Variants in SLC14A2 observed in about 807,000 individuals in gnomAD.
The protein encoded by SLC14A2 is solute carrier family 14 member 2.
SLC14A2 carries 91 observed loss-of-function variants against 104.6 expected under a neutral mutation model. That is an observed-to-expected ratio of 0.87 (90% CI 0.73 to 1.04). SLC14A2 has a LOEUF of 1.04. Ranked by LOEUF, SLC14A2 falls within the 50% of genes least tolerant of loss-of-function variation. The pLI is 0.00. For missense variants in SLC14A2, 1,189 were observed against 1,156.0 expected (o/e 1.03, Z -0.41); for synonymous variants, 476 against 466.4 (o/e 1.02, Z -0.27).
In SLC14A2 at chr18:45,424,473, G is replaced by A. The variant is rs142223121; in HGVS notation, c.-124-58760G>A. Among the ~76,000 whole-genome samples, 1,344 of 152,354 alleles carry A rather than the reference G, an allele frequency of 8.8e-3. 13 individuals carry two copies. The highest frequency in any genetic ancestry group is 0.012 in the Non-Finnish European group (846 of 68,030). ...ACATGGTGTGGATGCCTGAAGGCAG[G>A]AAGAAAGGGGGTAGGGTCAGCAGGC... On this transcript the variant is annotated intron_variant, in intron 1 of 20. Transcript: ENST00000586448.
intron 11 of SLC14A2, 34 bp downstream of exon 11, chr18:45,663,941 T>C (rs756508414): frequency 1.3e-6 from 2 of 1,581,100 alleles, no homozygotes; most frequent in Admixed American, 1.8e-5. Flanking sequence ...CTTGGATCCC[T>C]GCCTTCCTAG....
intron 10 of SLC14A2, among the ~76,000 whole-genome samples, chr18:45,654,467 G>C (rs1199629347): frequency 6.6e-6 from 1 of 152,154 alleles, no homozygotes; most frequent in Admixed American, 6.5e-5. Flanking sequence ...TCCTGGGGGA[G>C]AGAGCTGAAC....
rs1342632959 is a variant in SLC14A2, at chr18:45,639,800, T to TG, written c.900dup (p.Thr301AspfsTer144). 4 of 1,613,942 alleles carry TG rather than the reference T, an allele frequency of 2.5e-6. No individual in the cohort carries two copies. The East Asian group carries it at 8.9e-5, about 36-fold the overall frequency. ...CCAGGTGTATGGCTGTGACAATCCC[T>TG]GGACAGGCGGCGTGTTCCTGGTGGC... On this transcript the variant is annotated frameshift_variant, in exon 7 of 20. Transcript: ENST00000255226. LOFTEE classifies it high-confidence loss of function.
intron 1 of SLC14A2, among the ~76,000 whole-genome samples, chr18:45,277,519 C>A (rs1428922353): frequency 6.6e-6 from 1 of 152,128 alleles, no homozygotes; most frequent in African/African-American, 2.4e-5. Flanking sequence ...AGCGATCCTC[C>A]TACCTCAGCC....
chr18:45,472,574 G>C (rs1048747454), intron 1 of SLC14A2, among the ~76,000 whole-genome samples: 1 of 152,104 alleles, frequency 6.6e-6, no homozygotes, highest in African/African-American at 2.4e-5. Context: ...CATTCTAACT[G>C]GTGTGAGATG....
intron 2 of SLC14A2, among the ~76,000 whole-genome samples, chr18:45,513,997 C>T (rs1321479121): frequency 6.6e-6 from 1 of 152,180 alleles, no homozygotes; most frequent in African/African-American, 2.4e-5. Flanking sequence ...CCCTTTCTAA[C>T]TTACAGTTGC....
At chr18:45,338,359 C>T (rs2085357238) in intron 1 of SLC14A2, among the ~76,000 whole-genome samples, 1 of 152,044 alleles carries the variant, frequency 6.6e-6, no homozygotes, top group Admixed American at 6.5e-5. Context: ...TGCCACCACA[C>T]CTGGCTAATT....
chr18:45,429,974 T>C (rs763055983), intron 1 of SLC14A2, among the ~76,000 whole-genome samples: 2 of 152,200 alleles, frequency 1.3e-5, no homozygotes, highest in Admixed American at 6.5e-5. Context: ...CTCAATAATA[T>C]GCCCTAACTG....
chr18:45,391,644 T>C (rs904309162), intron 1 of SLC14A2, among the ~76,000 whole-genome samples: 1 of 152,214 alleles, frequency 6.6e-6, no homozygotes, highest in Non-Finnish European at 1.5e-5. Context: ...GGTATCTCAT[T>C]GTGGTTTTGA....
At chr18:45,293,367 T>C (rs1205321776) in intron 1 of SLC14A2, among the ~76,000 whole-genome samples, 4 of 152,100 alleles carry the variant, frequency 2.6e-5, no homozygotes, top group African/African-American at 9.7e-5. Flanking sequence ...AAGTGGTGAA[T>C]GTAATGGACA....
chr18:45,649,054 C>T (rs2045681408), intron 10 of SLC14A2, among the ~76,000 whole-genome samples: 1 of 152,084 alleles, frequency 6.6e-6, no homozygotes, highest in Non-Finnish European at 1.5e-5. Context: ...GCCTGTAGTC[C>T]CAGCTACTCG....
At chr18:45,359,855 G>A (rs2085593492) in intron 1 of SLC14A2, among the ~76,000 whole-genome samples, 1 of 152,264 alleles carries the variant, frequency 6.6e-6, no homozygotes, top group East Asian at 1.9e-4. Context: ...GAAATGATAG[G>A]GGCTCAGCTT....
intron 1 of SLC14A2, among the ~76,000 whole-genome samples, chr18:45,322,562 C>A (rs182831272): frequency 6.6e-6 from 1 of 152,162 alleles, no homozygotes; most frequent in African/African-American, 2.4e-5. Flanking sequence ...CAGGTAGATT[C>A]GCAACACATC....
chr18:45,531,367 TC>T (rs1244092152), intron 2 of SLC14A2, among the ~76,000 whole-genome samples: 1 of 152,184 alleles, frequency 6.6e-6, no homozygotes, highest in Non-Finnish European at 1.5e-5. Context: ...ACCTGTTGTT[TC>T]CTGACTTTTT....
intron 1 of SLC14A2, among the ~76,000 whole-genome samples, chr18:45,267,560 A>G (rs1447195269): frequency 6.6e-6 from 1 of 152,224 alleles, no homozygotes; most frequent in African/African-American, 2.4e-5. Flanking sequence ...TAATGCAATC[A>G]TTAATGAATG....
chr18:45,351,297 C>T (rs1424511270), intron 1 of SLC14A2, among the ~76,000 whole-genome samples: 1 of 152,014 alleles, frequency 6.6e-6, no homozygotes, highest in African/African-American at 2.4e-5. Context: ...GTCTCCAACC[C>T]AAATAGCCTC....
chr18:45,217,613 T>C (rs1254511303), intron 1 of SLC14A2, among the ~76,000 whole-genome samples: 1 of 152,134 alleles, frequency 6.6e-6, no homozygotes, highest in Non-Finnish European at 1.5e-5. Context: ...TCATGCACAT[T>C]TAGCACAGTC....
chr18:45,641,111 A>G, intron 7 of SLC14A2, 98 bp from the exon 8 acceptor site: 1 of 1,330,836 alleles, frequency 7.5e-7, no homozygotes, highest in Admixed American at 1.9e-5. Context: ...TGGGGTGAAC[A>G]ACAGCATGGA....
intron 11 of SLC14A2, among the ~76,000 whole-genome samples, chr18:45,664,780 G>C (rs1316547191): frequency 6.6e-6 from 1 of 152,224 alleles, no homozygotes; most frequent in Non-Finnish European, 1.5e-5. Context: ...GAGGTGGAGA[G>C]GGGATTGCCG....
Sources: allele counts gnomAD v4.1 joint callset (sites outside exome capture counted in the v4.1 genomes callset), GRCh38; gene constraint gnomAD v4.1.1; transcripts MANE v1.5; gene names NCBI Gene and HGNC (gene_info 2026-07-23, HGNC 2026-07-21).